SLC12A7: variants seen among roughly 807,000 people sequenced by gnomAD.
SLC12A7 encodes K-Cl cotransporter 4.
A neutral mutation model predicts 120.6 loss-of-function variants in SLC12A7; 100 were observed. That is an observed-to-expected ratio of 0.83 (90% CI 0.71 to 0.98). The LOEUF is 0.98. SLC12A7 is among the 50% of genes least tolerant of loss of function. The pLI is 0.00. For synonymous variants in SLC12A7, 760 were observed against 678.0 expected, an observed-to-expected ratio of 1.12 and a Z score of -1.88; for missense variants, 1,373 against 1,548.1, an observed-to-expected ratio of 0.89 and a Z score of 1.90.
At chr5:1,115,694 C>G (rs1743288370), upstream of SLC12A7, among the ~76,000 whole-genome samples, 1 of 152,078 alleles carries the variant, frequency 6.6e-6, no homozygotes, top group Admixed American at 6.5e-5. Context: ...GGAGGCCCCA[C>G]ACTCCTTCTC....
intron 1 of SLC12A7, among the ~76,000 whole-genome samples, chr5:1,107,188 C>T (rs1025091502): frequency 6.6e-6 from 1 of 152,240 alleles, no homozygotes; most frequent in African/African-American, 2.4e-5. Flanking sequence ...TATTCAAGTT[C>T]TCAGCCTTCT....
intron 22 of SLC12A7, among the ~76,000 whole-genome samples, chr5:1,055,762 C>T (rs1735545539): frequency 6.6e-6 from 1 of 152,236 alleles, no homozygotes; most frequent in Non-Finnish European, 1.5e-5. Flanking sequence ...CTACGTCGTT[C>T]TTCGGCTTTA....
At chr5:1,085,057 G>A (rs545525119) in intron 7 of SLC12A7, among the ~76,000 whole-genome samples, 175 bp downstream of exon 7, 242 of 152,318 alleles carry the variant, frequency 1.6e-3, no homozygotes, top group African/African-American at 5.3e-3. Context: ...CCACCTCACC[G>A]TTGGGTTTCC....
rs1579334096 is a variant in SLC12A7 at position 1,065,217 on chromosome 5, A to C, written c.2437+66T>G. 3 of 1,184,572 alleles carry C rather than the reference A, an allele frequency of 2.5e-6. No individual in the cohort carries two copies. In the East Asian group the frequency reaches 7.4e-5, roughly 29 times the overall value. 73.4% of individuals were successfully genotyped at this position (1,184,572 alleles called of 1,614,324 possible). ...CTGAGGAGACACACAGGGGACAGCG[A>C]GGGGACACTGAGAGGACACAGAGGG... On this transcript the variant is annotated intron_variant, in intron 18 of 23. Coordinates refer to ENST00000264930, the MANE Select transcript of SLC12A7 (RefSeq NM_006598.3).
chr5:1,121,842 C>T, the SLC12A7 span, among the ~76,000 whole-genome samples: 1 of 152,168 alleles, frequency 6.6e-6, no homozygotes, highest in African/African-American at 2.4e-5. Flanking sequence ...GAGGGGCTGT[C>T]CTGTCTTCCT....
chr5:1,074,044 C>T (rs1282550050), intron 16 of SLC12A7, among the ~76,000 whole-genome samples: 4 of 152,000 alleles, frequency 2.6e-5, no homozygotes, highest in Admixed American at 6.6e-5. Flanking sequence ...CAGGCAGGGC[C>T]GATGGACAGG....
At chr5:1,147,697 C>T in the SLC12A7 span, among the ~76,000 whole-genome samples, 1 of 152,186 alleles carries the variant, frequency 6.6e-6, no homozygotes, top group Non-Finnish European at 1.5e-5. Flanking sequence ...GTATACTTTC[C>T]ATGTACTGAT....
intron 3 of SLC12A7, among the ~76,000 whole-genome samples, chr5:1,091,016 C>T (rs981703939): frequency 1.3e-5 from 2 of 152,154 alleles, no homozygotes; most frequent in East Asian, 1.9e-4. Flanking sequence ...CTAAGGGAGC[C>T]GAAGGAGTCA....
Position 1,076,173 on chromosome 5 carries a change from G to GGTAC in SLC12A7, c.1808_1811dup (p.Pro605TyrfsTer312), listed in dbSNP as rs1561060973. Reference sequence around the variant, plus strand: ...ACTTGAAGCGTGGACGCCAGTTGGGGGTACGTAGCAGGGTCTGCACGGCGC... The same window carrying GGTAC: ...ACTTGAAGCGTGGACGCCAGTTGGGGGTACGTACGTAGCAGGGTCTGCACGGCGC... On this transcript the variant is annotated frameshift_variant, in exon 14 of 24. Transcript: ENST00000264930. LOFTEE classifies it high-confidence loss of function. 6.2e-7 allele frequency: 1 copy of GGTAC among 1,612,416 alleles called. No homozygotes were observed. Among genetic ancestry groups the GGTAC allele is most frequent in the Non-Finnish European group, 8.5e-7 (1 of 1,179,634 alleles).
At position 1,070,035 on chromosome 5, in the gene SLC12A7, A is replaced by AC. The variant is rs1263910678; in HGVS notation, c.2241+3597_2241+3598insG. Among the ~76,000 whole-genome samples, 21 of 6,178 alleles carry AC rather than the reference A, an allele frequency of 3.4e-3. 2 individuals are homozygous for AC. The highest frequency in any genetic ancestry group is 0.012 in the Admixed American group (6 of 496). The allele number at this position is 6,178 out of a possible 152,430, so 4.1% of individuals were successfully genotyped here. A position where few individuals can be genotyped will look rare whatever the true frequency, so the allele number is the denominator to read the frequency against. On this transcript the variant is annotated intron_variant, in intron 17 of 23. Coordinates refer to ENST00000264930, the MANE Select transcript of SLC12A7 (RefSeq NM_006598.3). ...CAGCACACGGGCATCACACTTATGC[A>AC]GCCCCCAGTGAGCCCCCAGTGAGCC...
At chr5:1,146,708 A>G in the SLC12A7 span, among the ~76,000 whole-genome samples, 1 of 152,172 alleles carries the variant, frequency 6.6e-6, no homozygotes, top group Admixed American at 6.5e-5. The surrounding 1 kb of genome is among the most constrained non-coding windows in gnomAD (Gnocchi z 6.5). Flanking sequence ...GGAGCCTGCT[A>G]CCTGGAGGCT....
rs751888251 is a variant in SLC12A7 at position 1,083,932 on chromosome 5, C to T, written c.942G>A (p.Thr314=). 35 of 1,603,872 alleles carry T rather than the reference C, an allele frequency of 2.2e-5. No homozygotes were observed. The highest frequency in any genetic ancestry group is 6.6e-5 in the South Asian group (6 of 90,944). The change falls in exon 8 of 24, where the codon ACG becomes ACA. Residue 314 remains threonine, a synonymous_variant. Transcript: ENST00000264930. ...AGGCATCGAAGCTGCGCCGTGACAG[C>T]GTGCGGTTCCCCAGGAGGCAGACCC... ...DIPVCLLGNR[T]LSRRSFDACV... is the part of the protein sequence containing the mutation.
In SLC12A7 at chr5:1,052,283, C is replaced by T. The variant is rs1735120334; in HGVS notation, c.*77G>A. The T allele has an allele frequency of 1.6e-6, 2 of 1,245,818 alleles. No homozygotes were observed. Among genetic ancestry groups the T allele is most frequent in the East Asian group, 4.6e-5 (2 of 43,090 alleles). 77.2% of individuals were successfully genotyped at this position (1,245,818 alleles called of 1,614,324 possible). On this transcript the variant is annotated 3_prime_UTR_variant, in exon 24 of 24. Transcript: ENST00000264930. ...GGACAGGTGTGTCTGCCGTCTGTTT[C>T]CCTGGGCCAAGCCCAGGCCCAGGCT...
upstream of SLC12A7, among the ~76,000 whole-genome samples, chr5:1,114,303 C>T (rs969234169): frequency 1.3e-5 from 2 of 152,116 alleles, no homozygotes; most frequent in African/African-American, 2.4e-5. Context: ...TGGGAGACCT[C>T]GGGTGGGGGG....
chr5:1,068,387 C>T (rs770394656), intron 17 of SLC12A7, among the ~76,000 whole-genome samples: 7 of 152,188 alleles, frequency 4.6e-5, no homozygotes, highest in East Asian at 3.9e-4. Flanking sequence ...TGAGCTGAGA[C>T]GGCGCCACTG....
intron 17 of SLC12A7, among the ~76,000 whole-genome samples, chr5:1,068,874 C>T (rs567075388): frequency 7.9e-5 from 12 of 152,368 alleles, no homozygotes; most frequent in East Asian, 1.9e-4. Context: ...GTCCCTCGTG[C>T]GCACAGACGC....
chr5:1,144,945 G>A, the SLC12A7 span, among the ~76,000 whole-genome samples: 3 of 152,266 alleles, frequency 2.0e-5, no homozygotes, highest in Admixed American at 6.5e-5. Flanking sequence ...GAGGCAAAAC[G>A]TGAAGTTTAC....
At chr5:1,105,968 C>G (rs1268358857) in intron 1 of SLC12A7, among the ~76,000 whole-genome samples, 1 of 152,210 alleles carries the variant, frequency 6.6e-6, no homozygotes, top group African/African-American at 2.4e-5. Flanking sequence ...CCTCACACTC[C>G]CCAGCACCCA....
chr5:1,066,772 G>C (rs1453293871), intron 17 of SLC12A7, among the ~76,000 whole-genome samples: 1 of 152,182 alleles, frequency 6.6e-6, no homozygotes, highest in African/African-American at 2.4e-5. Context: ...GGGTCGCCCG[G>C]GGGCCCAGGA....
Sources: gnomAD v4.1 joint callset for allele counts (sites outside exome capture counted in the v4.1 genomes callset) on GRCh38, gnomAD v4.1.1 for gene constraint, Gnocchi (gnomAD v3.1) non-coding constraint, MANE v1.5 for transcripts, NCBI Gene and HGNC (gene_info 2026-07-23, HGNC 2026-07-21) for gene names.